Variants in PCSK6 observed in about 807,000 individuals in gnomAD.
The protein encoded by PCSK6 is proprotein convertase subtilisin/kexin type 6, also known as paired basic amino acid cleaving enzyme 4.
A neutral mutation model predicts 123.3 loss-of-function variants in PCSK6; 85 were observed. The observed-to-expected ratio is 0.69, with a 90% CI of 0.58 to 0.83. The LOEUF is 0.83. PCSK6 is among the 40% of genes least tolerant of loss of function. The pLI is 0.00. For missense variants in PCSK6, 1,191 were observed against 1,282.3 expected (o/e 0.93, Z 1.09); for synonymous variants, 508 against 516.0 (o/e 0.98, Z 0.21).
chr15:101,444,208 G>A (rs1180902419), intron 1 of PCSK6, among the ~76,000 whole-genome samples: 3 of 152,182 alleles, frequency 2.0e-5, no homozygotes, highest in Admixed American at 1.3e-4. Context: ...CCTCCGAGGT[G>A]TCCCAATTTT....
chr15:101,482,952 G>C (rs768358238), intron 1 of PCSK6, among the ~76,000 whole-genome samples: 1 of 152,164 alleles, frequency 6.6e-6, no homozygotes, highest in Non-Finnish European at 1.5e-5. Flanking sequence ...AGGGCAGTCC[G>C]GTCAATTAAA....
chr15:101,406,329 T>C (rs1249509612), intron 6 of PCSK6, among the ~76,000 whole-genome samples: 1 of 152,128 alleles, frequency 6.6e-6, no homozygotes. Context: ...CTTTTGTTTA[T>C]TGAGAAGTAA....
At chr15:101,384,629 G>A (rs2042007876) in intron 9 of PCSK6, among the ~76,000 whole-genome samples, 1 of 152,190 alleles carries the variant, frequency 6.6e-6, no homozygotes, top group Non-Finnish European at 1.5e-5. Context: ...GGGAAAAAAA[G>A]GTTCAATGGG....
At chr15:101,331,034 T>A (rs565180364) in intron 15 of PCSK6, among the ~76,000 whole-genome samples, 1 of 152,322 alleles carries the variant, frequency 6.6e-6, no homozygotes, top group South Asian at 2.1e-4. Flanking sequence ...GGAAAATATG[T>A]CCAACCAGAA....
chr15:101,454,280 C>T (rs769711152), intron 1 of PCSK6, among the ~76,000 whole-genome samples: 1 of 152,166 alleles, frequency 6.6e-6, no homozygotes, highest in Non-Finnish European at 1.5e-5. Flanking sequence ...ACCTCCTGTA[C>T]CCGAAGATGT....
At chr15:101,371,311 T>C (rs2041579860) in intron 11 of PCSK6, among the ~76,000 whole-genome samples, 1 of 152,180 alleles carries the variant, frequency 6.6e-6, no homozygotes, top group Non-Finnish European at 1.5e-5. Context: ...CTCGGTGGCA[T>C]TTGGCCAGCT....
At chr15:101,415,953 T>G (rs1056285459) in intron 6 of PCSK6, among the ~76,000 whole-genome samples, 13 of 152,234 alleles carry the variant, frequency 8.5e-5, no homozygotes, top group African/African-American at 2.7e-4. Flanking sequence ...AATGTCTTCA[T>G]CAGCAGCATG....
intron 11 of PCSK6, 58 bp from the exon 12 acceptor site, chr15:101,370,581 C>G (rs972109220): frequency 2.2e-6 from 3 of 1,371,076 alleles, no homozygotes; most frequent in Admixed American, 3.1e-5. Context: ...CTCACCCACA[C>G]AGCCAGGAGC....
intron 13 of PCSK6, among the ~76,000 whole-genome samples, chr15:101,343,494 C>G (rs181967651): frequency 3.3e-5 from 5 of 152,206 alleles, no homozygotes; most frequent in Non-Finnish European, 7.4e-5. Flanking sequence ...ATAAAGTTGT[C>G]TAACTACAGC....
At chr15:101,446,285 A>C (rs541419684) in intron 1 of PCSK6, among the ~76,000 whole-genome samples, 95 of 152,378 alleles carry the variant, frequency 6.2e-4, no homozygotes, top group African/African-American at 2.2e-3. Context: ...CATTCAGCAT[A>C]ATGTGCTCAT....
At chr15:101,434,452 A>G (rs2056537916) in intron 2 of PCSK6, among the ~76,000 whole-genome samples, 1 of 152,226 alleles carries the variant, frequency 6.6e-6, no homozygotes, top group Non-Finnish European at 1.5e-5. Flanking sequence ...GAAAGCGTAG[A>G]GCCAGAAGTC....
At chr15:101,307,355 C>T in intron 20 of PCSK6, 30 bp from the exon 21 acceptor site, 2 of 1,552,456 alleles carry the variant, frequency 1.3e-6, no homozygotes, top group Non-Finnish European at 1.8e-6. Context: ...CTGCTGAAGT[C>T]TGGGGAAGAG....
chr15:101,357,799 G>T (rs531663053), intron 13 of PCSK6, among the ~76,000 whole-genome samples: 2 of 152,164 alleles, frequency 1.3e-5, no homozygotes, highest in African/African-American at 2.4e-5. Context: ...CCTCCTAGGG[G>T]GTGCTTCCTG....
chr15:101,450,612 A>G (rs1288352323), intron 1 of PCSK6, among the ~76,000 whole-genome samples: 2 of 152,184 alleles, frequency 1.3e-5, no homozygotes, highest in Non-Finnish European at 2.9e-5. Context: ...TGAAATGAAC[A>G]GACTTCTGTC....
intron 13 of PCSK6, among the ~76,000 whole-genome samples, chr15:101,353,444 C>T (rs893023914): frequency 2.0e-5 from 3 of 152,070 alleles, no homozygotes; most frequent in Non-Finnish European, 4.4e-5. Flanking sequence ...AGTCCATGGA[C>T]CATGGACCGG....
intron 11 of PCSK6, among the ~76,000 whole-genome samples, chr15:101,370,761 C>T (rs567861418): frequency 2.6e-5 from 4 of 152,342 alleles, no homozygotes; most frequent in South Asian, 2.1e-4. Context: ...AAAGATGGTT[C>T]GGCTGGGCAC....
Position 101,358,258 on chromosome 15 carries a change from G to A in PCSK6, c.1858+7938C>T, listed in dbSNP as rs190116285. ...TACAAAAGGACAGCCGTACCCTTGG[G>A]GCAGTCGCCATCTCCTAATGGCCTG... On this transcript the variant is annotated intron_variant, in intron 13 of 21. Transcript: ENST00000611716. Among the ~76,000 whole-genome samples the A allele has an allele frequency of 2.9e-3, 441 of 152,304 alleles. 2 individuals carry two copies. Among genetic ancestry groups the A allele is most frequent in the African/African-American group, 0.01 (427 of 41,578 alleles).
At chr15:101,346,637 C>G in intron 13 of PCSK6, 1 of 587,578 alleles carries the variant, frequency 1.7e-6, no homozygotes, top group Non-Finnish European at 2.5e-6. Context: ...ATGCAGGCAA[C>G]AGGAATGCCC....
intron 2 of PCSK6, among the ~76,000 whole-genome samples, chr15:101,436,662 A>C (rs978576896): frequency 5.3e-5 from 8 of 152,222 alleles, no homozygotes; most frequent in African/African-American, 1.9e-4. Flanking sequence ...TCTGTGTGGG[A>C]GGTGGGCACC....
Sources: allele counts gnomAD v4.1 joint callset (sites outside exome capture counted in the v4.1 genomes callset), GRCh38; gene constraint gnomAD v4.1.1; transcripts MANE v1.5; gene names NCBI Gene and HGNC (gene_info 2026-07-23, HGNC 2026-07-21).